MRTFB: variants seen among roughly 807,000 people sequenced by gnomAD.
MRTFB encodes the protein myocardin-related transcription factor B.
A neutral mutation model predicts 104.2 loss-of-function variants in MRTFB; 29 were observed. That is an observed-to-expected ratio of 0.28 (90% CI 0.21 to 0.38). MRTFB has a LOEUF of 0.38. MRTFB is among the 10% of genes least tolerant of loss of function. The probability of loss-of-function intolerance (pLI) is 1.00; values close to 1 mark genes in which losing one functional copy is unlikely to be tolerated. For missense variants in MRTFB, 1,270 were observed against 1,341.6 expected (o/e 0.95, Z 0.83); for synonymous variants, 535 against 519.5 (o/e 1.03, Z -0.41).
At chr16:14,128,242 A>T (rs1428612160) in intron 2 of MRTFB, among the ~76,000 whole-genome samples, 4 of 152,056 alleles carry the variant, frequency 2.6e-5, no homozygotes, top group African/African-American at 9.7e-5. Context: ...TTCATAGGAC[A>T]TATGTGCCAA....
chr16:14,057,078 T>C, the MRTFB span, among the ~76,000 whole-genome samples: 1 of 152,212 alleles, frequency 6.6e-6, no homozygotes, highest in East Asian at 1.9e-4. Context: ...GAAAGAGAGC[T>C]GAGCTGACAT....
rs766522648 is a variant in MRTFB at position 14,240,804 on chromosome 16, A to G, written c.1079+320A>G. 46 of 738,346 alleles carry G rather than the reference A, an allele frequency of 6.2e-5. No homozygotes were observed. The African/African-American group carries it at 7.7e-4, about 12-fold the overall frequency. 45.7% of individuals were successfully genotyped at this position (738,346 alleles called of 1,614,324 possible). A position where few individuals can be genotyped will look rare whatever the true frequency, so the allele number is the denominator to read the frequency against. On this transcript the variant is annotated intron_variant, in intron 10 of 16. Transcript: ENST00000571589. ...GCTCTGAGAAAAGCGTAAGTAGTATAATACCTGGCATAAACAGCTAAAAGA... is the reference window on the plus strand; with the variant it reads ...GCTCTGAGAAAAGCGTAAGTAGTATGATACCTGGCATAAACAGCTAAAAGA...
chr16:14,240,825 A>G (rs1031119369), intron 10 of MRTFB: 2 of 688,976 alleles, frequency 2.9e-6, no homozygotes, highest in Non-Finnish European at 5.2e-6. Flanking sequence ...TAAACAGCTA[A>G]AAGAAGAGAA....
At chr16:14,107,654 T>A (rs1160278900) in intron 2 of MRTFB, among the ~76,000 whole-genome samples, 1 of 152,218 alleles carries the variant, frequency 6.6e-6, no homozygotes, top group South Asian at 2.1e-4. Flanking sequence ...CTGTGCCAGC[T>A]ACTGTGTTAG....
At chr16:14,112,350 A>C (rs932975463) in intron 2 of MRTFB, among the ~76,000 whole-genome samples, 3 of 152,152 alleles carry the variant, frequency 2.0e-5, no homozygotes, top group Non-Finnish European at 4.4e-5. Flanking sequence ...AATGATCATG[A>C]GGTGAGTGGC....
At chr16:14,218,446 T>TTAATC (rs1379400121) in intron 7 of MRTFB, among the ~76,000 whole-genome samples, 4 of 152,308 alleles carry the variant, frequency 2.6e-5, no homozygotes, top group Admixed American at 2.6e-4. Context: ...CTGTTAAATC[T>TTAATC]TAATCTATTG....
the MRTFB span, among the ~76,000 whole-genome samples, chr16:14,047,271 G>A: frequency 6.6e-6 from 1 of 152,160 alleles, no homozygotes; most frequent in Non-Finnish European, 1.5e-5. Flanking sequence ...TGGTTCTATG[G>A]CTCAAGGATC....
At chr16:14,254,652 C>A (rs140141968) in intron 15 of MRTFB, among the ~76,000 whole-genome samples, 2,977 of 152,320 alleles carry the variant, frequency 0.02, 112 homozygotes, top group African/African-American at 0.068. Flanking sequence ...AACATCTACC[C>A]AAGAAACATT....
chr16:14,215,952 TCAA>T (rs1016429868), intron 6 of MRTFB, among the ~76,000 whole-genome samples: 1 of 152,264 alleles, frequency 6.6e-6, no homozygotes, highest in African/African-American at 2.4e-5. Flanking sequence ...TTTAAATGAC[TCAA>T]CCTTTATCAA....
chr16:14,031,937 A>G, the MRTFB span, among the ~76,000 whole-genome samples: 2 of 152,160 alleles, frequency 1.3e-5, no homozygotes, highest in Non-Finnish European at 2.9e-5. Context: ...CCTCTCAAAT[A>G]GCTTGGATTA....
intron 3 of MRTFB, among the ~76,000 whole-genome samples, chr16:14,163,536 C>G (rs930340175): frequency 1.3e-5 from 2 of 152,054 alleles, no homozygotes; most frequent in Non-Finnish European, 2.9e-5. Flanking sequence ...CTATATTGCA[C>G]TTAACAAACT....
intron 1 of MRTFB, among the ~76,000 whole-genome samples, chr16:14,078,379 A>T (rs2141837618): frequency 6.6e-6 from 1 of 152,078 alleles, no homozygotes; most frequent in East Asian, 1.9e-4. Context: ...CTCTTATTTC[A>T]CTGAGGACAC....
chr16:14,180,910 A>T (rs995272174), intron 3 of MRTFB, among the ~76,000 whole-genome samples: 1 of 152,186 alleles, frequency 6.6e-6, no homozygotes, highest in African/African-American at 2.4e-5. Flanking sequence ...GTGGTGTTCA[A>T]TTCTGCTGCA....
chr16:14,089,284 A>C (rs934053203), intron 2 of MRTFB, among the ~76,000 whole-genome samples: 3 of 152,144 alleles, frequency 2.0e-5, no homozygotes, highest in African/African-American at 7.2e-5. Context: ...CCCAAAAAGA[A>C]ATCTCATACC....
chr16:14,029,419 A>T, the MRTFB span, among the ~76,000 whole-genome samples: 15,026 of 87,848 alleles, frequency 0.17, 1,284 homozygotes, highest in Middle Eastern at 0.25. Flanking sequence ...AAAAAAAAAA[A>T]ATATATATAT....
At position 14,212,444 on chromosome 16, in the gene MRTFB, TCTCC is replaced by T. The variant is rs1288745578; in HGVS notation, c.276+36_276+39del. Reference sequence around the variant, plus strand: ...TTCACTTTAAAATGTTCTACTTCTCTCTCCTTCTCTCCTCTCTTCTAAAATACCT... The same window carrying T: ...TTCACTTTAAAATGTTCTACTTCTCTTTCTCTCCTCTCTTCTAAAATACCT... On this transcript the variant is annotated intron_variant, in intron 5 of 16. Coordinates refer to ENST00000571589, the MANE Select transcript of MRTFB (RefSeq NM_001308142.2). The T allele has an allele frequency of 5.7e-6, 9 of 1,578,748 alleles. No individual in the cohort carries two copies. In the African/African-American group the frequency reaches 6.7e-5, roughly 12 times the overall value.
At chr16:14,061,639 G>A in the MRTFB span, among the ~76,000 whole-genome samples, 1 of 149,040 alleles carries the variant, frequency 6.7e-6, no homozygotes, top group South Asian at 2.2e-4. Flanking sequence ...TAAAAGCCTG[G>A]AATCTGTACT....
chr16:14,217,432 A>G (rs1389672867), intron 7 of MRTFB, 145 bp downstream of exon 7: 2 of 670,564 alleles, frequency 3.0e-6, no homozygotes, highest in Admixed American at 3.0e-5. Context: ...TTGTGTTACT[A>G]TCATTTCATT....
intron 2 of MRTFB, among the ~76,000 whole-genome samples, chr16:14,081,707 G>A (rs529735222): frequency 6.6e-6 from 1 of 152,140 alleles, no homozygotes; most frequent in Non-Finnish European, 1.5e-5. Context: ...AGCCTCCCTA[G>A]TAGCTGGGAC....
Sources: allele counts gnomAD v4.1 joint callset (sites outside exome capture counted in the v4.1 genomes callset), GRCh38; gene constraint gnomAD v4.1.1; transcripts MANE v1.5; gene names NCBI Gene and HGNC (gene_info 2026-07-23, HGNC 2026-07-21).